Variants in DDX31 observed in about 807,000 individuals in gnomAD.
DDX31 encodes the protein ATP-dependent DNA helicase DDX31.
A neutral mutation model predicts 91.3 loss-of-function variants in DDX31; 70 were observed. That is an observed-to-expected ratio of 0.77 (90% CI 0.63 to 0.94). The LOEUF is 0.94. DDX31 is among the 40% of genes least tolerant of loss of function. The pLI is 0.00. For synonymous variants in DDX31, 362 were observed against 350.6 expected, an observed-to-expected ratio of 1.03 and a Z score of -0.36; for missense variants, 902 against 925.0, an observed-to-expected ratio of 0.98 and a Z score of 0.32.
rs1235488602 is a variant in DDX31, at chr9:132,631,707, C to T, written c.1491+334G>A. ...GGCTCTCGGACAGCTGAGCCATCTCCTTCTGGACACAATGAGGCCTCCCAG... is the reference window on the plus strand; with the variant it reads ...GGCTCTCGGACAGCTGAGCCATCTCTTTCTGGACACAATGAGGCCTCCCAG... On this transcript the variant is annotated intron_variant, in intron 15 of 19. Coordinates refer to ENST00000372159, the MANE Select transcript of DDX31 (RefSeq NM_022779.9). 2.0e-5 allele frequency among the ~76,000 whole-genome samples: 3 copies of T among 152,324 alleles called. No individual in the cohort carries two copies. The East Asian group carries it at 5.8e-4, about 29-fold the overall frequency.
At chr9:132,621,595 G>A (rs1040350844) in intron 17 of DDX31, among the ~76,000 whole-genome samples, 11 of 152,318 alleles carry the variant, frequency 7.2e-5, no homozygotes, top group African/African-American at 2.6e-4. Context: ...GTAATGAGGT[G>A]TCTGGCTATC....
At chr9:132,611,237 C>T (rs1022659251) in intron 19 of DDX31, among the ~76,000 whole-genome samples, 1 of 152,138 alleles carries the variant, frequency 6.6e-6, no homozygotes, top group Non-Finnish European at 1.5e-5. Context: ...GGATTGAACC[C>T]AGAAATCAGG....
chr9:132,602,040 C>G (rs1335560896), intron 19 of DDX31, among the ~76,000 whole-genome samples: 1 of 152,208 alleles, frequency 6.6e-6, no homozygotes, highest in Non-Finnish European at 1.5e-5. Flanking sequence ...TGAACTAAGG[C>G]CTGGTCTGAT....
At chr9:132,621,250 A>C (rs1360756600) in intron 17 of DDX31, among the ~76,000 whole-genome samples, 4 of 152,194 alleles carry the variant, frequency 2.6e-5, no homozygotes, top group Non-Finnish European at 5.9e-5. Context: ...GAAAGCCTGC[A>C]CCTTGATATT....
chr9:132,649,822 T>C (rs1312371182), intron 9 of DDX31, among the ~76,000 whole-genome samples: 1 of 152,204 alleles, frequency 6.6e-6, no homozygotes. Flanking sequence ...GGAACAAACA[T>C]ATTCGGTTGT....
intron 19 of DDX31, among the ~76,000 whole-genome samples, chr9:132,598,699 T>C (rs564391329): frequency 1.3e-5 from 2 of 152,380 alleles, no homozygotes; most frequent in African/African-American, 2.4e-5. Context: ...CTTTTGCTAA[T>C]GGCACTCTTT....
In DDX31 at chr9:132,593,762, T is replaced by TG. The variant is rs5900984; in HGVS notation, c.*1103dup. On this transcript the variant is annotated 3_prime_UTR_variant, in exon 20 of 20. Transcript: ENST00000372159. ...TGGCCACTCAGACCTTCCAAGGATC[T>TG]GGGGGGATCTACTGAAGTGGTGCCT... 65,332 of 151,666 alleles carry TG rather than the reference T, an allele frequency of 0.43. 14,313 individuals are homozygous for TG. Among genetic ancestry groups the TG allele is most frequent in the East Asian group, 0.6 (3,089 of 5,124 alleles). 9.4% of individuals were successfully genotyped at this position (151,666 alleles called of 1,614,324 possible).
At chr9:132,645,205 C>G (rs1215211677) in intron 13 of DDX31, among the ~76,000 whole-genome samples, 1 of 152,144 alleles carries the variant, frequency 6.6e-6, no homozygotes, top group East Asian at 1.9e-4. Context: ...GTGAGTATAT[C>G]TCACTCCCAT....
chr9:132,659,797 AAAG>A lies in DDX31; in HGVS notation c.453-20_453-18del. 6.2e-7 allele frequency: 1 copy of A among 1,611,468 alleles called. No individual in the cohort carries two copies. Among genetic ancestry groups the A allele is most frequent in the Non-Finnish European group, 8.5e-7 (1 of 1,178,600 alleles). ...TTCTGAACACTGGGCCACCCGAAAA[AAAG>A]AACACACTTTACCTATATTACCCAG... On this transcript the variant is annotated intron_variant, in intron 4 of 19. Coordinates refer to ENST00000372159, the MANE Select transcript of DDX31 (RefSeq NM_022779.9).
Position 132,662,540 on chromosome 9 carries a change from C to T in DDX31, c.231G>A (p.Lys77=), listed in dbSNP as rs777376305. The T allele has an allele frequency of 1.3e-5, 21 of 1,614,108 alleles. No homozygotes were observed. The highest frequency in any genetic ancestry group is 6.7e-5 in the Admixed American group (4 of 60,010). ...TATCACTTGTGCTAACCGAATGCTT[C>T]TTTGGAGAAAACATTTTTTGTGCGT... is the stretch of plus-strand genomic sequence containing the variant. ...KGNAQKMFSP[K]KHSVSTSDRN... The change falls in exon 2 of 20, where the codon AAG becomes AAA. Residue 77 remains lysine (K), a synonymous_variant. Coordinates refer to ENST00000372159, the MANE Select transcript of DDX31 (RefSeq NM_022779.9).
At chr9:132,630,511 G>A (rs1832658307) in intron 15 of DDX31, 108 bp from the exon 16 acceptor site, 5 of 1,160,616 alleles carry the variant, frequency 4.3e-6, no homozygotes, top group African/African-American at 3.1e-5. Context: ...TTAAATCCTG[G>A]TGCTATGGTT....
intron 1 of DDX31, among the ~76,000 whole-genome samples, chr9:132,664,978 T>C (rs1242690920): frequency 6.6e-6 from 1 of 152,102 alleles, no homozygotes; most frequent in African/African-American, 2.4e-5. Context: ...TTTCCTGACC[T>C]CTCTTCACCC....
At chr9:132,623,561 A>G (rs1016728126) in intron 17 of DDX31, among the ~76,000 whole-genome samples, 2 of 150,524 alleles carry the variant, frequency 1.3e-5, no homozygotes, top group Admixed American at 6.6e-5. Flanking sequence ...CAAAAAAAAA[A>G]AAAAAAAGAA....
chr9:132,629,961 C>T (rs1832619915), intron 16 of DDX31, among the ~76,000 whole-genome samples: 1 of 152,202 alleles, frequency 6.6e-6, no homozygotes, highest in Non-Finnish European at 1.5e-5. Context: ...GAATAAGAGT[C>T]CTTTCAGAAG....
At chr9:132,661,095 T>C (rs1834904787) in intron 4 of DDX31, 113 bp downstream of exon 4, 3 of 865,746 alleles carry the variant, frequency 3.5e-6, no homozygotes, top group South Asian at 2.8e-5. Flanking sequence ...GTCGATAACC[T>C]GGCACTGTGT....
intron 19 of DDX31, among the ~76,000 whole-genome samples, chr9:132,609,363 G>T (rs1265572339): frequency 6.6e-6 from 1 of 152,166 alleles, no homozygotes; most frequent in Non-Finnish European, 1.5e-5. Context: ...CCATCTGCTA[G>T]CGAGGGTCAG....
At chr9:132,665,168 G>C (rs540060344) in intron 1 of DDX31, among the ~76,000 whole-genome samples, 168 of 152,286 alleles carry the variant, frequency 1.1e-3, no homozygotes, top group Admixed American at 2.7e-3. Flanking sequence ...CCCCTGTATA[G>C]GCCCCTGTCT....
chr9:132,639,711 CTTT>C (rs1314152671), intron 14 of DDX31, among the ~76,000 whole-genome samples: 2 of 152,218 alleles, frequency 1.3e-5, no homozygotes, highest in African/African-American at 4.8e-5. Flanking sequence ...CTGGAGTTTT[CTTT>C]AAGGCTTACA....
At chr9:132,638,007 T>C (rs545975514) in intron 14 of DDX31, 2 of 1,124,330 alleles carry the variant, frequency 1.8e-6, no homozygotes, top group African/African-American at 1.6e-5. Context: ...CAGAACAGTA[T>C]GCTTCAAGCG....
Sources: allele counts gnomAD v4.1 joint callset (sites outside exome capture counted in the v4.1 genomes callset), GRCh38; gene constraint gnomAD v4.1.1; transcripts MANE v1.5; gene names NCBI Gene and HGNC (gene_info 2026-07-23, HGNC 2026-07-21).